The following ZNF585A variants were observed in gnomAD, a reference collection of about 807,000 sequenced individuals.
The protein encoded by ZNF585A is zinc finger protein 585A.
ZNF585A carries 9 observed loss-of-function variants against 14.9 expected under a neutral mutation model. The observed-to-expected ratio is 0.60, with a 90% CI of 0.36 to 1.05. The LOEUF is 1.05. Among genes scored for constraint, ZNF585A ranks in the 50% least tolerant of loss-of-function variants. The pLI is 0.01. For synonymous variants in ZNF585A, 276 were observed against 319.9 expected, an observed-to-expected ratio of 0.86 and a Z score of 1.46; for missense variants, 726 against 926.4, an observed-to-expected ratio of 0.78 and a Z score of 2.81.
Position 37,153,298 on chromosome 19 carries a change from G to A in ZNF585A, c.601C>T (p.Leu201Phe), listed in dbSNP as rs1351181675. ...CGKSFFQVSS[L>F]FRHQRIHTGE... ...GTATGAATTCTCTGATGCCTGAAGA[G>A]GGACGACACTTGAAAAAAGGATTTT... The change falls in exon 5 of 5, where the codon CTC (leucine) becomes TTC (phenylalanine). Residue 201 changes from leucine to phenylalanine, a missense_variant. Leu to Phe is a conservative substitution (Grantham distance 22). Coordinates refer to ENST00000292841, the MANE Select transcript of ZNF585A (RefSeq NM_001288800.2). 2 of 1,614,186 alleles carry A rather than the reference G, an allele frequency of 1.2e-6. No homozygotes were observed. The highest frequency in any genetic ancestry group is 1.7e-6 in the Non-Finnish European group (2 of 1,180,032).
chr19:37,154,919 G>T (rs1971900331), intron 4 of ZNF585A, among the ~76,000 whole-genome samples: 1 of 150,904 alleles, frequency 6.6e-6, no homozygotes, highest in African/African-American at 2.4e-5. Context: ...GAAGGTTAAA[G>T]AAAGACTCTA....
intron 2 of ZNF585A, among the ~76,000 whole-genome samples, chr19:37,168,368 ATGG>A (rs1972130047): frequency 6.6e-6 from 1 of 152,204 alleles, no homozygotes. Flanking sequence ...GGTGTTCTCC[ATGG>A]CGCTACACAA....
chr19:37,155,763 G>GA (rs1971917702), intron 4 of ZNF585A, 102 bp downstream of exon 4: 13 of 1,333,978 alleles, frequency 9.7e-6, no homozygotes, highest in Admixed American at 5.9e-5. Context: ...GAACTTTCCA[G>GA]AAAAAGCATC....
Position 37,153,189 on chromosome 19 carries a change from G to A in ZNF585A, c.710C>T (p.Thr237Ile), listed in dbSNP as rs201793121. 5 of 1,614,030 alleles carry A rather than the reference G, an allele frequency of 3.1e-6. No homozygotes were observed. The highest frequency in any genetic ancestry group is 4.2e-6 in the Non-Finnish European group (5 of 1,180,042). ...SDLSIHEKIH[T>I]GERHHECTDC... ...AGTGCATTCATGGTGTCTCTCTCCA[G>A]TATGAATTTTCTCATGTATACTGAG... Residue 237 changes from threonine (T) to isoleucine (I), a missense_variant, in exon 5 of 5, where the codon ACT (threonine) becomes ATT (isoleucine). Physicochemically the swap from Thr to Ile is moderately conservative, Grantham distance 89 (BLOSUM62 -1). This residue lies in a region of ZNF585A where 483 missense variants were observed against 542.8 expected (regional missense o/e 0.89). Transcript: ENST00000292841.
chr19:37,161,523 C>G (rs565381979), intron 2 of ZNF585A, among the ~76,000 whole-genome samples: 2 of 152,212 alleles, frequency 1.3e-5, no homozygotes, highest in East Asian at 3.9e-4. Flanking sequence ...TTGAACTACG[C>G]AAGTCCACAG....
Position 37,153,540 on chromosome 19 carries a change from G to A in ZNF585A, c.359C>T (p.Pro120Leu), listed in dbSNP as rs761365925. Residue 120 changes from proline (P) to leucine (L), a missense_variant, in exon 5 of 5, where the codon CCT becomes CTT. Coordinates refer to ENST00000292841, the MANE Select transcript of ZNF585A (RefSeq NM_001288800.2). ...ILSYKQVSSQ[P>L]QKMYPGEKAY... is the part of the protein sequence containing the mutation. ...TTTCTCCCCAGGATACATTTTTTGA[G>A]GTTGAGAGGATACTTGTTTATAACT... 10 of 1,613,828 alleles carry A rather than the reference G, an allele frequency of 6.2e-6. No individual in the cohort carries two copies. The Admixed American group carries it at 1.5e-4, about 24-fold the overall frequency.
chr19:37,160,355 T>C (rs1273842985), intron 2 of ZNF585A, among the ~76,000 whole-genome samples: 1 of 134,390 alleles, frequency 7.4e-6, no homozygotes, highest in African/African-American at 3.2e-5. Flanking sequence ...AATAAATAAA[T>C]AAATAAATAA....
intron 2 of ZNF585A, among the ~76,000 whole-genome samples, chr19:37,166,014 T>C (rs1972085482): frequency 6.6e-6 from 1 of 152,202 alleles, no homozygotes; most frequent in African/African-American, 2.4e-5. Flanking sequence ...TCTCCTGTTT[T>C]GTTACATTCT....
In ZNF585A at chr19:37,150,194, C is replaced by T. The variant is rs1971804753; in HGVS notation, c.*1395G>A. 6.6e-6 allele frequency: 1 copy of T among 151,636 alleles called. No homozygotes were observed. The highest frequency in any genetic ancestry group is 1.5e-5 in the Non-Finnish European group (1 of 67,986). The allele number at this position is 151,636 out of a possible 1,614,324, so 9.4% of individuals were successfully genotyped here. On this transcript the variant is annotated 3_prime_UTR_variant, in exon 5 of 5. Coordinates refer to ENST00000292841, the MANE Select transcript of ZNF585A (RefSeq NM_001288800.2). ...GGTTCATTGTAAGTCACCGCCATTG[C>T]CTGAGGGGAAGGAAGAAAGTTAACA... is the stretch of plus-strand genomic sequence containing the variant.
rs576631415 is a variant in ZNF585A at position 37,169,859 on chromosome 19, C to A, written c.52G>T (p.Asp18Tyr). The change falls in exon 2 of 5, where the codon GAT (aspartate) becomes TAT (tyrosine). Residue 18 changes from aspartate (D) to tyrosine (Y), a missense_variant. Physicochemically the swap from Asp to Tyr is radical, Grantham distance 160 (BLOSUM62 -3). Coordinates refer to ENST00000292841, the MANE Select transcript of ZNF585A (RefSeq NM_001288800.2). ...CTCACCTCATAGGAGCTGCCATGAT[C>A]CTCTGGAGCCAGGGCTGAGGATTTC... ...PQKSSALAPE[D>Y]HGSSYEGSVS... 2.4e-5 allele frequency: 38 copies of A among 1,613,092 alleles called. No homozygotes were observed. The highest frequency in any genetic ancestry group is 3.3e-5 in the Admixed American group (2 of 59,998).
In ZNF585A at chr19:37,146,379, CA is replaced by C. The variant is rs1055226613; in HGVS notation, c.*5209del. On this transcript the variant is annotated 3_prime_UTR_variant, in exon 5 of 5. Coordinates refer to ENST00000292841, the MANE Select transcript of ZNF585A (RefSeq NM_001288800.2). ...CTGGCAACAGAGTGAGACTCCATCT[CA>C]AAAAAAATAAAAATAAAAAATAGTC... 4 of 151,502 alleles carry C rather than the reference CA, an allele frequency of 2.6e-5. No homozygotes were observed. The highest frequency in any genetic ancestry group is 4.4e-5 in the Non-Finnish European group (3 of 67,992). 9.4% of individuals were successfully genotyped at this position (151,502 alleles called of 1,614,324 possible).
intron 2 of ZNF585A, among the ~76,000 whole-genome samples, chr19:37,159,698 G>A (rs1304845629): frequency 1.3e-5 from 2 of 152,062 alleles, no homozygotes; most frequent in African/African-American, 4.8e-5. Flanking sequence ...ACAATACAAA[G>A]TATGTTCCAC....
chr19:37,153,318 G>T lies in ZNF585A; in HGVS notation c.581C>A (p.Ser194Tyr), dbSNP rs1471728226. ...KPFKCNECGK[S>Y]FFQVSSLFRH... Reference sequence around the variant, plus strand: ...GAAGAGGGACGACACTTGAAAAAAGGATTTTCCACATTCATTGCATTTAAA... The same window carrying T: ...GAAGAGGGACGACACTTGAAAAAAGTATTTTCCACATTCATTGCATTTAAA... Residue 194 changes from serine (S) to tyrosine (Y), a missense_variant, in exon 5 of 5, where the codon TCC (serine) becomes TAC (tyrosine). Around this residue, in one of 2 missense-constraint regions of ZNF585A, gnomAD observed 483 missense variants for 542.8 expected, o/e 0.89. Coordinates refer to ENST00000292841, the MANE Select transcript of ZNF585A (RefSeq NM_001288800.2). 2 of 1,614,168 alleles carry T rather than the reference G, an allele frequency of 1.2e-6. No individual in the cohort carries two copies. The highest frequency in any genetic ancestry group is 1.7e-5 in the Admixed American group (1 of 60,032).
At chr19:37,159,435 C>T (rs1217617167) in intron 2 of ZNF585A, among the ~76,000 whole-genome samples, 2 of 151,952 alleles carry the variant, frequency 1.3e-5, no homozygotes, top group Non-Finnish European at 2.9e-5. Context: ...CTTGGAATTG[C>T]ACAATGAAAG....
Position 37,156,282 on chromosome 19 carries a change from C to A in ZNF585A, c.146G>T (p.Arg49Ile). 6.2e-7 allele frequency: 1 copy of A among 1,614,168 alleles called. No individual in the cohort carries two copies. The highest frequency in any genetic ancestry group is 8.5e-7 in the Non-Finnish European group (1 of 1,180,028). ...CAGCATCACATCCCGGTACAGGTTT[C>A]TCTGAGAAGGGTCCAGGTGCCGCCA... ...EEWRHLDPSQ[R>I]NLYRDVMLET... The change falls in exon 3 of 5, where the codon AGA becomes ATA. Residue 49 changes from arginine (R) to isoleucine (I), a missense_variant. Arg to Ile is a moderately conservative substitution (Grantham distance 97, BLOSUM62 -3). Coordinates refer to ENST00000292841, the MANE Select transcript of ZNF585A (RefSeq NM_001288800.2).
intron 3 of ZNF585A, 91 bp from the exon 4 acceptor site, chr19:37,156,048 C>T: frequency 1.9e-6 from 3 of 1,587,694 alleles, no homozygotes; most frequent in Middle Eastern, 1.7e-4. Context: ...AGGATTTTTT[C>T]TTCAGAAAAG....
chr19:37,166,243 G>A lies in ZNF585A; in HGVS notation c.72+3596C>T, dbSNP rs1438721681. On this transcript the variant is annotated intron_variant, in intron 2 of 4. Transcript: ENST00000292841. ...TGACTAGACTGGTCTTGAACTCTTG[G>A]CCTCAAGTGAACCACCCACCTCAGC... Among the ~76,000 whole-genome samples, 3 of 151,658 alleles carry A rather than the reference G, an allele frequency of 2.0e-5. No homozygotes were observed. The East Asian group carries it at 5.8e-4, about 29-fold the overall frequency.
In ZNF585A at chr19:37,152,733, T is replaced by G; in HGVS notation, c.1166A>C (p.Lys389Thr). 1.2e-6 allele frequency: 2 copies of G among 1,614,184 alleles called. No homozygotes were observed. Among genetic ancestry groups the G allele is most frequent in the South Asian group, 1.1e-5 (1 of 91,084 alleles). Residue 389 changes from lysine (K) to threonine (T), a missense_variant, in exon 5 of 5, where the codon AAA (lysine) becomes ACA (threonine). Transcript: ENST00000292841. ...GAGTGCTGACTTCTGAGTGAAGGCT[T>G]TCCCACAGTCACTGCATTCATAAGG... ...EKPYECSDCG[K>T]AFTQKSALTV...
In ZNF585A at chr19:37,151,958, T is replaced by C. The variant is rs747792261; in HGVS notation, c.1941A>G (p.Ser647=). The C allele has an allele frequency of 1.2e-6, 2 of 1,612,918 alleles. No individual in the cohort carries two copies. Among genetic ancestry groups the C allele is most frequent in the African/African-American group, 2.7e-5 (2 of 74,656 alleles). Residue 647 remains serine, a synonymous_variant, in exon 5 of 5, where the codon TCA becomes TCG. Coordinates refer to ENST00000292841, the MANE Select transcript of ZNF585A (RefSeq NM_001288800.2). ...AECGKAFSGR[S]NLSKHQKTHT... is the part of the protein sequence containing the mutation. The stretch of plus-strand genomic sequence containing the variant: ...GAGTTTTCTGGTGCTTACTGAGATT[T>C]GACCTGCCACTAAAGGCCTTCCCGC...
Sources: allele counts gnomAD v4.1 joint callset (sites outside exome capture counted in the v4.1 genomes callset), GRCh38; gene constraint gnomAD v4.1.1; regional missense constraint gnomAD v4.1.1; transcripts MANE v1.5; gene names NCBI Gene and HGNC (gene_info 2026-07-23, HGNC 2026-07-21).